RTN1: variants seen among roughly 807,000 people sequenced by gnomAD.
The protein encoded by RTN1 is reticulon-1.
Under a neutral mutation model 65.5 loss-of-function variants are expected in RTN1, and 25 were observed. That is an observed-to-expected ratio of 0.38 (90% CI 0.28 to 0.53). The LOEUF (loss-of-function observed/expected upper bound fraction) is 0.53. Among genes scored for constraint, RTN1 ranks in the 20% least tolerant of loss-of-function variants. The probability of loss-of-function intolerance (pLI) is 0.79; values close to 1 mark genes in which losing one functional copy is unlikely to be tolerated. For synonymous variants in RTN1, 471 were observed against 447.6 expected, an observed-to-expected ratio of 1.05 and a Z score of -0.66; for missense variants, 983 against 1,025.4, an observed-to-expected ratio of 0.96 and a Z score of 0.57.
At chr14:59,621,661 A>G (rs1882257079) in intron 3 of RTN1, among the ~76,000 whole-genome samples, 1 of 152,240 alleles carries the variant, frequency 6.6e-6, no homozygotes, top group South Asian at 2.1e-4. Context: ...AAGAGAAGTG[A>G]TCCAAGGTTT....
At chr14:59,826,223 G>A (rs1006608277) in intron 1 of RTN1, among the ~76,000 whole-genome samples, 3 of 152,208 alleles carry the variant, frequency 2.0e-5, no homozygotes, top group Non-Finnish European at 4.4e-5. Flanking sequence ...AAGTGCATTT[G>A]TAGACCAGCT....
chr14:59,710,425 A>G (rs1169046387), intron 3 of RTN1, among the ~76,000 whole-genome samples: 2 of 152,230 alleles, frequency 1.3e-5, no homozygotes, highest in Non-Finnish European at 2.9e-5. Context: ...TCCCTTTTAA[A>G]GAGAAGTTCC....
intron 8 of RTN1, among the ~76,000 whole-genome samples, chr14:59,601,616 G>A (rs145631664): frequency 1.3e-3 from 196 of 152,242 alleles, no homozygotes; most frequent in African/African-American, 4.5e-3. Context: ...TATGATTTGT[G>A]ATACTCAAAC....
intron 8 of RTN1, among the ~76,000 whole-genome samples, chr14:59,602,148 T>A (rs377090177): frequency 1.3e-5 from 2 of 152,194 alleles, no homozygotes; most frequent in African/African-American, 4.8e-5. Flanking sequence ...GCAGAGGAAC[T>A]TTAATGTGAT....
chr14:59,841,681 T>C (rs1233642634), intron 1 of RTN1, among the ~76,000 whole-genome samples: 1 of 146,188 alleles, frequency 6.8e-6, no homozygotes, highest in Non-Finnish European at 1.5e-5. Context: ...CACTCCAGCC[T>C]GGGAGACAGA....
intron 1 of RTN1, among the ~76,000 whole-genome samples, chr14:59,778,779 G>A (rs1451618396): frequency 6.6e-6 from 1 of 152,118 alleles, no homozygotes; most frequent in Non-Finnish European, 1.5e-5. Context: ...AGAAACCCCT[G>A]GGAGCAAAGG....
chr14:59,680,607 C>G (rs536104027), intron 3 of RTN1, among the ~76,000 whole-genome samples: 7 of 152,266 alleles, frequency 4.6e-5, no homozygotes, highest in African/African-American at 1.7e-4. Flanking sequence ...TGGAAGTATA[C>G]ATTTGTATCA....
At chr14:59,758,847 A>T (rs530270561) in intron 1 of RTN1, among the ~76,000 whole-genome samples, 144 of 152,318 alleles carry the variant, frequency 9.5e-4, no homozygotes, top group Non-Finnish European at 1.5e-3. Context: ...ACCATCAATC[A>T]TGTGTTAATT....
At chr14:59,654,403 T>C (rs1409126005) in intron 3 of RTN1, among the ~76,000 whole-genome samples, 3 of 134,800 alleles carry the variant, frequency 2.2e-5, no homozygotes, top group South Asian at 2.4e-4. Flanking sequence ...CACTCCAGCC[T>C]GGGTGACAGA....
At chr14:59,603,801 G>A (rs759830246) in intron 6 of RTN1, 51 bp downstream of exon 6, 32 of 1,467,030 alleles carry the variant, frequency 2.2e-5, no homozygotes, top group South Asian at 2.2e-4. Flanking sequence ...AGGAAGCAGC[G>A]TTTTCACAGA....
chr14:59,680,171 A>G (rs1323019355), intron 3 of RTN1, among the ~76,000 whole-genome samples: 1 of 152,192 alleles, frequency 6.6e-6, no homozygotes, highest in South Asian at 2.1e-4. Context: ...ATTGCCTTCT[A>G]AGAGCTTTGC....
chr14:59,610,316 T>A, intron 3 of RTN1: 2 of 577,316 alleles, frequency 3.5e-6, no homozygotes, highest in South Asian at 4.6e-5. Flanking sequence ...TTGCTAAGAT[T>A]GCAGGAGGTT....
chr14:59,769,614 A>T (rs1271151249), intron 1 of RTN1, among the ~76,000 whole-genome samples: 1 of 152,232 alleles, frequency 6.6e-6, no homozygotes, highest in African/African-American at 2.4e-5. Context: ...TGCCATGCAG[A>T]TTTTGTTTTG....
chr14:59,749,242 A>C (rs1396368819), intron 1 of RTN1, among the ~76,000 whole-genome samples: 1 of 56,906 alleles, frequency 1.8e-5, no homozygotes, highest in Non-Finnish European at 3.1e-5. Flanking sequence ...ATATATCTAT[A>C]TATATCTATA....
intron 3 of RTN1, among the ~76,000 whole-genome samples, chr14:59,700,699 C>T (rs1320648045): frequency 6.6e-6 from 1 of 152,052 alleles, no homozygotes; most frequent in Non-Finnish European, 1.5e-5. Context: ...TCTCATACCA[C>T]ATACAAAAAT....
chr14:59,814,669 C>T (rs12436827), intron 1 of RTN1, among the ~76,000 whole-genome samples: 6 of 152,030 alleles, frequency 3.9e-5, no homozygotes, highest in Non-Finnish European at 8.8e-5. Context: ...TTGAGAAAAC[C>T]CTGATTAAAA....
chr14:59,836,135 G>A lies in RTN1; in HGVS notation c.241+34255C>T, dbSNP rs889528408. Among the ~76,000 whole-genome samples, 3 of 152,094 alleles carry A rather than the reference G, an allele frequency of 2.0e-5. No individual in the cohort carries two copies. The highest frequency in any genetic ancestry group is 6.6e-5 in the Admixed American group (1 of 15,256). Reference sequence around the variant, plus strand: ...TTGCACTGGGACCACCTGGATAATCGAGGCTAATCTTTTCAACTCAGGATC... The same window carrying A: ...TTGCACTGGGACCACCTGGATAATCAAGGCTAATCTTTTCAACTCAGGATC... On this transcript the variant is annotated intron_variant, in intron 1 of 8. Coordinates refer to ENST00000267484, the MANE Select transcript of RTN1 (RefSeq NM_021136.3). This position sits in a 1 kb window ranked among gnomAD's most constrained non-coding sequence, Gnocchi z 4.9.
intron 3 of RTN1, among the ~76,000 whole-genome samples, chr14:59,692,227 G>A (rs543958548): frequency 6.6e-6 from 1 of 152,308 alleles, no homozygotes; most frequent in East Asian, 1.9e-4. Context: ...AATGACTTCA[G>A]TAAAGTTTCA....
intron 7 of RTN1, 43 bp from the exon 8 acceptor site, chr14:59,603,166 T>C (rs1243765846): frequency 6.2e-7 from 1 of 1,612,530 alleles, no homozygotes; most frequent in African/African-American, 1.3e-5. Context: ...CCAAAGATGA[T>C]GAGGTCAAAA....
Sources: gnomAD v4.1 joint callset for allele counts (sites outside exome capture counted in the v4.1 genomes callset) on GRCh38, gnomAD v4.1.1 for gene constraint, Gnocchi (gnomAD v3.1) non-coding constraint, MANE v1.5 for transcripts, NCBI Gene and HGNC (gene_info 2026-07-23, HGNC 2026-07-21) for gene names.